PRKAG2: variants seen among roughly 807,000 people sequenced by gnomAD.
PRKAG2 encodes the protein protein kinase AMP-activated non-catalytic subunit gamma 2, also known as 5'-AMP-activated protein kinase subunit gamma-2.
In PRKAG2, 26 loss-of-function variants were observed where a neutral mutation model predicts 69.6. The observed-to-expected ratio is 0.37, with a 90% CI of 0.27 to 0.52. The LOEUF (loss-of-function observed/expected upper bound fraction) is 0.52, where lower values mean the gene tolerates loss of function less well. PRKAG2 is among the 20% of genes least tolerant of loss of function. The pLI is 0.90. For synonymous variants in PRKAG2, 293 were observed against 285.0 expected (o/e 1.03, Z -0.28); for missense variants, 557 against 740.0 (o/e 0.75, Z 2.87).
rs1470151942 is a variant in PRKAG2 at position 151,735,958 on chromosome 7, TTTC to T, written c.466+45191_466+45193del. The T allele has an allele frequency of 6.5e-6, 10 of 1,536,242 alleles. 1 individual carries two copies. In the Admixed American group the frequency reaches 2.0e-4, roughly 30 times the overall value. On this transcript the variant is annotated intron_variant, in intron 3 of 15. Coordinates refer to ENST00000287878, the MANE Select transcript of PRKAG2 (RefSeq NM_016203.4). ...CCGTGCTTCGATTTTGGTCCTTGTG[TTTC>T]TTGTTGCTCCTGAGGCTCCCAAAGC...
At chr7:151,827,745 TAAAAAAAAAAAA>T (rs55685618) in intron 1 of PRKAG2, among the ~76,000 whole-genome samples, 25 of 52,258 alleles carry the variant, frequency 4.8e-4, no homozygotes, top group South Asian at 1.1e-3. Context: ...TGGCCTTAGG[TAAAAAAAAAAAA>T]AAAAAAAAAA....
chr7:151,756,069 C>T lies in PRKAG2; in HGVS notation c.466+25083G>A, dbSNP rs1177276936. On this transcript the variant is annotated intron_variant, in intron 3 of 15. Transcript: ENST00000287878. This position sits in a 1 kb window ranked among gnomAD's most constrained non-coding sequence, Gnocchi z 4.9. The stretch of plus-strand genomic sequence containing the variant: ...TCCTCTCCCATCCCCCATTGGTCTC[C>T]TCCTCTTCTCAGGCCTCTCCCCCTG... Among the ~76,000 whole-genome samples, 2 of 152,186 alleles carry T rather than the reference C, an allele frequency of 1.3e-5. No individual in the cohort carries two copies. The highest frequency in any genetic ancestry group is 4.8e-5 in the African/African-American group (2 of 41,448).
At chr7:151,871,927 C>T (rs1316474263) in intron 1 of PRKAG2, among the ~76,000 whole-genome samples, 1 of 152,164 alleles carries the variant, frequency 6.6e-6, no homozygotes, top group Non-Finnish European at 1.5e-5. Context: ...CCGAGGAGGC[C>T]ACCAAATGAC....
At chr7:151,578,890 A>C (rs1809668391) in intron 6 of PRKAG2, among the ~76,000 whole-genome samples, 1 of 152,232 alleles carries the variant, frequency 6.6e-6, no homozygotes, top group Non-Finnish European at 1.5e-5. Flanking sequence ...TTATAGAAGA[A>C]TATAGTGGAA....
intron 3 of PRKAG2, among the ~76,000 whole-genome samples, chr7:151,745,462 C>T (rs2074218560): frequency 1.3e-5 from 2 of 152,346 alleles, no homozygotes; most frequent in African/African-American, 2.4e-5. Flanking sequence ...GCGGAGCACC[C>T]TCTGCCCTGA....
intron 5 of PRKAG2, among the ~76,000 whole-genome samples, chr7:151,625,929 G>T (rs184498790): frequency 6.6e-6 from 1 of 152,330 alleles, no homozygotes; most frequent in African/African-American, 2.4e-5. Context: ...CCAGGAGGGA[G>T]GGGAATCGTA....
intron 3 of PRKAG2, among the ~76,000 whole-genome samples, chr7:151,679,609 C>T (rs1833524547): frequency 6.6e-6 from 1 of 152,130 alleles, no homozygotes; most frequent in Non-Finnish European, 1.5e-5. Context: ...ACCTGTGCCA[C>T]CCCCCACATC....
At position 151,781,186 on chromosome 7, in the gene PRKAG2, G is replaced by C; in HGVS notation, c.432C>G (p.Pro144=). Residue 144 remains proline, a synonymous_variant, in exon 3 of 16, where the codon CCC becomes CCG. Transcript: ENST00000287878. This position sits in a 1 kb window ranked among gnomAD's most constrained non-coding sequence, Gnocchi z 6.1. ...SSPNSNPATS[P]GGIRFFSRSR... ...AGCGGGAGAAAAACCTGATGCCCCC[G>C]GGCGAGGTAGCAGGGTTGGAGTTGG... 2.5e-6 allele frequency: 4 copies of C among 1,614,080 alleles called. No individual in the cohort carries two copies.
intron 1 of PRKAG2, among the ~76,000 whole-genome samples, chr7:151,790,828 T>G (rs1260384314): frequency 6.6e-6 from 1 of 152,246 alleles, no homozygotes; most frequent in African/African-American, 2.4e-5. Flanking sequence ...CATGCAACCC[T>G]AAGCAGCATC....
At chr7:151,782,152 G>A (rs542919177) in intron 2 of PRKAG2, among the ~76,000 whole-genome samples, 74 of 151,978 alleles carry the variant, frequency 4.9e-4, no homozygotes, top group Admixed American at 1.9e-3. Context: ...GCATGGTGGC[G>A]GGCGCCTGTA....
At chr7:151,766,532 A>G (rs1384341168) in intron 3 of PRKAG2, among the ~76,000 whole-genome samples, 1 of 152,246 alleles carries the variant, frequency 6.6e-6, no homozygotes, top group Non-Finnish European at 1.5e-5. Context: ...AGAGAGTAAA[A>G]GCAGAGTGCT....
intron 1 of PRKAG2, among the ~76,000 whole-genome samples, chr7:151,861,765 T>A (rs553378547): frequency 1.3e-5 from 2 of 151,936 alleles, no homozygotes; most frequent in Non-Finnish European, 2.9e-5. Flanking sequence ...GGGGATTATA[T>A]TCTGTATTTT....
At chr7:151,672,388 C>T (rs566956443) in intron 4 of PRKAG2, among the ~76,000 whole-genome samples, 2 of 152,336 alleles carry the variant, frequency 1.3e-5, no homozygotes, top group African/African-American at 2.4e-5. Context: ...AGCCACTGCG[C>T]CCAGCCACCA....
chr7:151,812,426 C>T (rs547386560), intron 1 of PRKAG2, among the ~76,000 whole-genome samples: 1 of 152,222 alleles, frequency 6.6e-6, no homozygotes, highest in East Asian at 1.9e-4. Flanking sequence ...TTGGATAAAT[C>T]CAAGATGGAT....
At chr7:151,659,968 AG>A (rs1027435749) in intron 4 of PRKAG2, among the ~76,000 whole-genome samples, 1 of 152,164 alleles carries the variant, frequency 6.6e-6, no homozygotes, top group Non-Finnish European at 1.5e-5. Context: ...CCGAGGTGGG[AG>A]GACTGCTTGA....
chr7:151,721,504 C>G (rs1253207333), intron 3 of PRKAG2, among the ~76,000 whole-genome samples: 1 of 152,120 alleles, frequency 6.6e-6, no homozygotes, highest in Non-Finnish European at 1.5e-5. Flanking sequence ...CATGCAGAAC[C>G]GAGGGTGACC....
chr7:151,727,976 G>C (rs750896701), intron 3 of PRKAG2, among the ~76,000 whole-genome samples: 2 of 152,148 alleles, frequency 1.3e-5, no homozygotes, highest in African/African-American at 4.8e-5. Flanking sequence ...TGGGGCGGAC[G>C]CCCGGACACT....
chr7:151,805,215 C>T (rs895239989), intron 1 of PRKAG2, among the ~76,000 whole-genome samples: 104 of 152,260 alleles, frequency 6.8e-4, no homozygotes, highest in African/African-American at 2.4e-3. Context: ...TAATGTCTGC[C>T]GCGGGTGAAA....
rs561564631 is a variant in PRKAG2, at chr7:151,811,946, A to T, written c.115-25405T>A. 6.6e-5 allele frequency among the ~76,000 whole-genome samples: 10 copies of T among 152,344 alleles called. No individual in the cohort carries two copies. The East Asian group carries it at 1.9e-3, about 29-fold the overall frequency. ...ACTGGTTATGCAATCTCAGTAAATTATTCAAATTCATGGAGCCTCAATTTC... is the reference window on the plus strand; with the variant it reads ...ACTGGTTATGCAATCTCAGTAAATTTTTCAAATTCATGGAGCCTCAATTTC... On this transcript the variant is annotated intron_variant, in intron 1 of 15. Coordinates refer to ENST00000287878, the MANE Select transcript of PRKAG2 (RefSeq NM_016203.4).
Sources: allele counts gnomAD v4.1 joint callset (sites outside exome capture counted in the v4.1 genomes callset), GRCh38; gene constraint gnomAD v4.1.1; non-coding constraint Gnocchi (gnomAD v3.1); transcripts MANE v1.5; gene names NCBI Gene and HGNC (gene_info 2026-07-23, HGNC 2026-07-21).